Variants in RPS24 observed in about 807,000 individuals in gnomAD.
The protein encoded by RPS24 is ribosomal protein S24, also known as small ribosomal subunit protein eS24.
For synonymous variants in RPS24, 72 were observed against 55.6 expected, an observed-to-expected ratio of 1.30 and a Z score of -1.31; for missense variants, 100 against 162.5, an observed-to-expected ratio of 0.62 and a Z score of 2.09.
chr10:78,052,468 T>C (rs1848108765), intron 4 of RPS24, among the ~76,000 whole-genome samples: 1 of 152,184 alleles, frequency 6.6e-6, no homozygotes, highest in African/African-American at 2.4e-5. Context: ...GTCCTGGAAA[T>C]AGTTTTACAA....
chr10:78,054,937 G>A, exon 5 of RPS24: 1 of 1,502,252 alleles, frequency 6.7e-7, no homozygotes, highest in Non-Finnish European at 8.9e-7. Flanking sequence ...AAGTCTTTTG[G>A]CCCTTTCTTT....
intron 3 of RPS24, chr10:78,035,980 G>A (rs553166369): frequency 6.1e-5 from 29 of 473,948 alleles, no homozygotes; most frequent in South Asian, 6.1e-4. Flanking sequence ...TTTTCCAGAG[G>A]AGAAGTAAGG....
intron 4 of RPS24, among the ~76,000 whole-genome samples, chr10:78,050,158 CCTCT>C (rs35107282): frequency 1.3e-5 from 2 of 150,704 alleles, no homozygotes; most frequent in Non-Finnish European, 3.0e-5. Context: ...TGAGTCTATG[CCTCT>C]CTCTCTCTCT....
At chr10:78,042,315 A>C (rs191869009), downstream of RPS24, among the ~76,000 whole-genome samples, 1 of 152,212 alleles carries the variant, frequency 6.6e-6, no homozygotes, top group East Asian at 1.9e-4. Flanking sequence ...TCTTCCATCT[A>C]GTCCATCCAA....
downstream of RPS24, among the ~76,000 whole-genome samples, chr10:78,040,913 G>A (rs1318792112): frequency 6.6e-6 from 1 of 152,158 alleles, no homozygotes; most frequent in Non-Finnish European, 1.5e-5. Context: ...CATGTCCGCG[G>A]TGGACGCAGT....
intron 4 of RPS24, chr10:78,037,902 C>CTTTTTTTTTTTTTTTTTT (rs55902139): frequency 5.5e-5 from 21 of 379,920 alleles, no homozygotes; most frequent in East Asian, 2.9e-4. Flanking sequence ...GTTCTGTGAA[C>CTTTTTTTTTTTTTTTTTT]TTTTTTTTTT....
At chr10:78,037,468 C>T in intron 4 of RPS24, 164 bp downstream of exon 4, 1 of 1,211,712 alleles carries the variant, frequency 8.3e-7, no homozygotes. Context: ...AACTATGTAG[C>T]ATAGTGTCTT....
intron 4 of RPS24, among the ~76,000 whole-genome samples, chr10:78,050,786 T>TC (rs1848091416): frequency 6.6e-6 from 1 of 152,160 alleles, no homozygotes; most frequent in Non-Finnish European, 1.5e-5. Flanking sequence ...ACTTTTTTTT[T>TC]CTTTTTTTTT....
intron 4 of RPS24, among the ~76,000 whole-genome samples, chr10:78,048,409 T>G (rs1848066182): frequency 1.3e-5 from 2 of 152,246 alleles, no homozygotes. Context: ...CATCCTATAC[T>G]CTCGGTGACT....
chr10:78,034,269 G>A, intron 1 of RPS24: 1 of 411,972 alleles, frequency 2.4e-6, no homozygotes, highest in Non-Finnish European at 4.5e-6. Flanking sequence ...GCAGGTGATG[G>A]CAGTACAAGA....
chr10:78,055,176 G>GGT, exon 5 of RPS24: 1 of 1,189,864 alleles, frequency 8.4e-7, no homozygotes, highest in Non-Finnish European at 1.1e-6. Flanking sequence ...AAATGCCAAA[G>GGT]ACCTCCCCAC....
In RPS24 at chr10:78,037,321, A is replaced by G; in HGVS notation, c.390+17A>G. 1 of 1,578,460 alleles carries G rather than the reference A, an allele frequency of 6.3e-7. No homozygotes were observed. The highest frequency in any genetic ancestry group is 1.2e-5 in the South Asian group (1 of 86,146). ...GGCAAAAAGGTATAGTTCATTAAGG[A>G]AAATATAGAAACGTCATTAATTGTA... On this transcript the variant is annotated intron_variant, in intron 4 of 5. Coordinates refer to ENST00000372360, the MANE Select transcript of RPS24 (RefSeq NM_033022.4).
chr10:78,035,280 G>T, intron 1 of RPS24, 72 bp from the exon 2 acceptor site: 1 of 1,444,634 alleles, frequency 6.9e-7, no homozygotes. Context: ...CAACATTCTA[G>T]GTCTTGGAAA....
intron 4 of RPS24, among the ~76,000 whole-genome samples, chr10:78,053,677 A>C (rs1848122823): frequency 6.6e-6 from 1 of 151,984 alleles, no homozygotes; most frequent in Non-Finnish European, 1.5e-5. Flanking sequence ...CGGGCCGGGG[A>C]TGGGGGAACG....
exon 5 of RPS24, chr10:78,054,981 C>T: frequency 6.8e-7 from 1 of 1,479,798 alleles, no homozygotes. Context: ...CTTCTCCCCA[C>T]CTTCCTGCCT....
intron 3 of RPS24, chr10:78,036,135 C>T: frequency 3.9e-6 from 1 of 258,130 alleles, no homozygotes; most frequent in South Asian, 4.5e-5. Flanking sequence ...TGAACTACAG[C>T]AGTGATCTGG....
downstream of RPS24, chr10:78,040,705 GGTT>G (rs747856503): frequency 2.7e-5 from 44 of 1,609,416 alleles, no homozygotes; most frequent in Non-Finnish European, 3.5e-5. Flanking sequence ...TCATGTGTCT[GGTT>G]GTTTGAAATG....
At chr10:78,048,782 G>T (rs148100081) in intron 4 of RPS24, among the ~76,000 whole-genome samples, 1,749 of 148,716 alleles carry the variant, frequency 0.012, 31 homozygotes, top group African/African-American at 0.041. Context: ...GGCTGAGGCA[G>T]AAGAATCGCT....
At position 78,035,543 on chromosome 10, in the gene RPS24, A is replaced by G. The variant is rs1191057571; in HGVS notation, c.102A>G (p.Thr34=). Residue 34 remains threonine (T), a synonymous_variant, in exon 3 of 6, where the codon ACA becomes ACG. Transcript: ENST00000372360. ...ATGTCCTTCACCCCGGGAAGGCGAC[A>G]GTGCCTAAGACAGAAATTCGGGAAA... ...VIDVLHPGKA[T]VPKTEIREKL... is the part of the protein sequence containing the mutation. 1.9e-6 allele frequency: 3 copies of G among 1,614,216 alleles called. No homozygotes were observed. Among genetic ancestry groups the G allele is most frequent in the Non-Finnish European group, 2.5e-6 (3 of 1,180,032 alleles).
Sources: allele counts gnomAD v4.1 joint callset (sites outside exome capture counted in the v4.1 genomes callset), GRCh38; gene constraint gnomAD v4.1.1; transcripts MANE v1.5; gene names NCBI Gene and HGNC (gene_info 2026-07-23, HGNC 2026-07-21).